POLA1: variants seen among roughly 807,000 people sequenced by gnomAD.
The protein encoded by POLA1 is DNA polymerase alpha catalytic subunit.
POLA1 carries 15 observed loss-of-function variants against 124.0 expected under a neutral mutation model. The ratio of observed to expected loss-of-function variants is 0.12; its 90% CI spans 0.08 to 0.19. POLA1 has a LOEUF of 0.19. Among genes scored for constraint, POLA1 ranks in the 10% least tolerant of loss-of-function variants. The probability of loss-of-function intolerance (pLI) is 1.00; values close to 1 mark genes in which losing one functional copy is unlikely to be tolerated. For missense variants in POLA1, 886 were observed against 1,103.4 expected (o/e 0.80, Z 2.79); for synonymous variants, 408 against 389.4 (o/e 1.05, Z -0.56).
chrX:24,920,136 C>T (rs113540893), intron 35 of POLA1, among the ~76,000 whole-genome samples: 1,201 of 110,411 alleles, frequency 0.011, 17 homozygotes, highest in African/African-American at 0.038. Flanking sequence ...CATGAGTCAC[C>T]GAGCCTGGCC....
chrX:24,740,400 T>C (rs1412924145), intron 20 of POLA1, among the ~76,000 whole-genome samples: 4 of 111,254 alleles, frequency 3.6e-5, no homozygotes, highest in Non-Finnish European at 7.5e-5. Context: ...TGCTATCCTC[T>C]TTCCCCTGGA....
At chrX:24,775,027 G>A (rs1425224809) in intron 26 of POLA1, among the ~76,000 whole-genome samples, 2 of 111,561 alleles carry the variant, frequency 1.8e-5, no homozygotes, top group Non-Finnish European at 3.8e-5. Context: ...TTTTAAATGT[G>A]ATGTTACGTA....
At chrX:24,732,589 GT>G (rs1197349636) in intron 16 of POLA1, 135 bp downstream of exon 16, 7 of 116,592 alleles carry the variant, frequency 6.0e-5, no homozygotes, top group Non-Finnish European at 9.1e-5. Context: ...AGAGGGTTTT[GT>G]TTTTTTTTGT....
intron 19 of POLA1, among the ~76,000 whole-genome samples, chrX:24,738,219 C>CA (rs755084911): frequency 0.069 from 768 of 11,148 alleles, 94 homozygotes; most frequent in East Asian, 0.22. Flanking sequence ...GACTCCGTCT[C>CA]AAAAAAAAAA....
intron 10 of POLA1, 140 bp from the exon 11 acceptor site, chrX:24,723,015 G>A: frequency 2.1e-6 from 1 of 479,715 alleles, no homozygotes; most frequent in East Asian, 3.6e-5. Context: ...TGGGGAGTGG[G>A]AAATGGATAT....
chrX:24,739,899 T>C lies in POLA1; in HGVS notation c.2216+349T>C, dbSNP rs760800947. ...GTATTGCTTGCTTATTTCTTCCTCC[T>C]ACTCCTCTGGCCATCTCTCATTCAT... On this transcript the variant is annotated intron_variant, in intron 20 of 36. Coordinates refer to ENST00000379068, the MANE Select transcript of POLA1 (RefSeq NM_001330360.2). 1.4e-4 allele frequency among the ~76,000 whole-genome samples: 16 copies of C among 112,014 alleles called. No homozygotes were observed. The South Asian group carries it at 1.5e-3, about 11-fold the overall frequency.
intron 36 of POLA1, among the ~76,000 whole-genome samples, chrX:24,934,541 T>G (rs1267544402): frequency 8.9e-6 from 1 of 112,455 alleles, no homozygotes; most frequent in Non-Finnish European, 1.9e-5. Context: ...TTTTTTCTGT[T>G]TCTGTTCTCA....
chrX:24,931,932 T>C (rs1042452388), intron 36 of POLA1, among the ~76,000 whole-genome samples: 1 of 111,741 alleles, frequency 8.9e-6, no homozygotes, highest in Non-Finnish European at 1.9e-5. Flanking sequence ...AGAGTCTTGC[T>C]CTGTTGCCCA....
rs151272359 is a variant in POLA1, at chrX:24,774,543, G to C, written c.2964+25551G>C. On this transcript the variant is annotated intron_variant, in intron 26 of 36. Transcript: ENST00000379068. ...CTCTGGGCACTGGGTTTCTCTGCTT[G>C]TCTGGTTTCTTGCCTAAGTTCAGCA... Among the ~76,000 whole-genome samples, 260 of 111,442 alleles carry C rather than the reference G, an allele frequency of 2.3e-3. 1 individual carries two copies. Among genetic ancestry groups the C allele is most frequent in the African/African-American group, 5.3e-3 (163 of 30,632 alleles).
In POLA1 at chrX:24,969,203, G is replaced by A. The variant is rs777684566; in HGVS notation, c.4262-26602G>A. Reference sequence around the variant, plus strand: ...AGCCTGGGTAACAGAGCAAGACTCCGTCTCAAAAAAAAAAAAAGAATCTGT... The same window carrying A: ...AGCCTGGGTAACAGAGCAAGACTCCATCTCAAAAAAAAAAAAAGAATCTGT... On this transcript the variant is annotated intron_variant, in intron 36 of 36. Transcript: ENST00000379068. Among the ~76,000 whole-genome samples the A allele has an allele frequency of 1.0e-4, 11 of 105,086 alleles. No individual in the cohort carries two copies. In the South Asian group the frequency reaches 2.9e-3, roughly 28 times the overall value. The allele number at this position is 105,086 out of a possible 115,157, so 91.3% of individuals were successfully genotyped here.
rs188628275 is a variant in POLA1, at chrX:24,743,460, C to T, written c.2566+131C>T. The T allele has an allele frequency of 8.7e-6, 3 of 342,869 alleles. No individual in the cohort carries two copies. In the Admixed American group the frequency reaches 1.7e-4, roughly 19 times the overall value. 28.3% of individuals were successfully genotyped at this position (342,869 alleles called of 1,213,427 possible). A position where few individuals can be genotyped will look rare whatever the true frequency, so the allele number is the denominator to read the frequency against. ...AATAGGTCTCATGACTTTTATCTTT[C>T]GTTCACGTGAAAATCTTGGTTGCCA... is the stretch of plus-strand genomic sequence containing the variant. On this transcript the variant is annotated intron_variant, in intron 23 of 36. Coordinates refer to ENST00000379068, the MANE Select transcript of POLA1 (RefSeq NM_001330360.2).
At chrX:24,968,114 T>G (rs1307840559) in intron 36 of POLA1, among the ~76,000 whole-genome samples, 2 of 111,896 alleles carry the variant, frequency 1.8e-5, no homozygotes, top group Non-Finnish European at 3.8e-5. Flanking sequence ...ACTAGAAATT[T>G]TCAGTGTACC....
intron 34 of POLA1, among the ~76,000 whole-genome samples, chrX:24,876,340 T>C (rs1365255055): frequency 8.9e-6 from 1 of 112,104 alleles, no homozygotes; most frequent in Admixed American, 9.5e-5. Flanking sequence ...GGCATTTAAA[T>C]TATGAAACTT....
chrX:24,896,582 A>G (rs1282478452), intron 35 of POLA1, among the ~76,000 whole-genome samples: 1 of 111,815 alleles, frequency 8.9e-6, no homozygotes, highest in Non-Finnish European at 1.9e-5. Context: ...TTCTTCCAAT[A>G]TGGCTCAGGG....
intron 36 of POLA1, among the ~76,000 whole-genome samples, chrX:24,982,616 A>G (rs1055377370): frequency 2.7e-5 from 3 of 111,363 alleles, no homozygotes; most frequent in African/African-American, 9.8e-5. Context: ...CAAGAACATA[A>G]TTCTCTGGTT....
At chrX:24,781,672 A>G (rs1331180134) in intron 26 of POLA1, among the ~76,000 whole-genome samples, 1 of 111,632 alleles carries the variant, frequency 9.0e-6, no homozygotes, top group African/African-American at 3.3e-5. Context: ...TGAGTACTGA[A>G]TATGTTAAGC....
At chrX:24,728,175 A>G (rs1439792059) in intron 15 of POLA1, among the ~76,000 whole-genome samples, 1 of 112,515 alleles carries the variant, frequency 8.9e-6, no homozygotes, top group Non-Finnish European at 1.9e-5. Flanking sequence ...GGAGAGCTTC[A>G]AATGGACACA....
rs769953318 is a variant in POLA1, at chrX:24,982,789, A to G, written c.4262-13016A>G. ...TTGCTTGTGAATGAAAGGGACTCCT[A>G]CTATGACTAAGGACAGATGGCAGCT... On this transcript the variant is annotated intron_variant, in intron 36 of 36. Coordinates refer to ENST00000379068, the MANE Select transcript of POLA1 (RefSeq NM_001330360.2). Among the ~76,000 whole-genome samples, 8 of 110,247 alleles carry G rather than the reference A, an allele frequency of 7.3e-5. No homozygotes were observed. In the South Asian group the frequency reaches 2.8e-3, roughly 39 times the overall value.
intron 36 of POLA1, among the ~76,000 whole-genome samples, chrX:24,946,312 A>G (rs1182958859): frequency 8.9e-6 from 1 of 111,842 alleles, no homozygotes; most frequent in Non-Finnish European, 1.9e-5. Flanking sequence ...GGATGGTAGT[A>G]GTAGAGGGTT....
Sources: allele counts gnomAD v4.1 joint callset (sites outside exome capture counted in the v4.1 genomes callset), GRCh38; gene constraint gnomAD v4.1.1; transcripts MANE v1.5; gene names NCBI Gene and HGNC (gene_info 2026-07-23, HGNC 2026-07-21).